Variants in NAV2 observed in about 807,000 individuals in gnomAD.
NAV2 encodes helicase, APC down-regulated 1.
Under a neutral mutation model 223.2 loss-of-function variants are expected in NAV2, and 54 were observed. The observed-to-expected ratio is 0.24, with a 90% CI of 0.19 to 0.30. The LOEUF (loss-of-function observed/expected upper bound fraction) is 0.30. Among genes scored for constraint, NAV2 ranks in the 10% least tolerant of loss-of-function variants. NAV2 has a pLI of 1.00. For synonymous variants in NAV2, 1,279 were observed against 1,239.3 expected (o/e 1.03, Z -0.67); for missense variants, 2,806 against 3,147.5 (o/e 0.89, Z 2.60).
At chr11:19,980,073 G>T (rs570040038) in intron 10 of NAV2, among the ~76,000 whole-genome samples, 5 of 152,216 alleles carry the variant, frequency 3.3e-5, no homozygotes, top group African/African-American at 1.2e-4. Flanking sequence ...GCAAGGGGCA[G>T]AGAAGGCATT....
At chr11:19,635,109 C>T (rs984491638) in intron 1 of NAV2, among the ~76,000 whole-genome samples, 3 of 152,118 alleles carry the variant, frequency 2.0e-5, no homozygotes, top group Non-Finnish European at 4.4e-5. Context: ...GAATCTATCA[C>T]TTCTAGCCAT....
At chr11:19,704,025 G>A (rs534568128) in intron 1 of NAV2, among the ~76,000 whole-genome samples, 2 of 151,928 alleles carry the variant, frequency 1.3e-5, no homozygotes, top group East Asian at 3.9e-4. Flanking sequence ...TTTTTTTGGG[G>A]GGGTGGAAGG....
intron 1 of NAV2, among the ~76,000 whole-genome samples, chr11:19,521,743 C>T (rs2043663438): frequency 6.6e-6 from 1 of 152,152 alleles, no homozygotes; most frequent in Non-Finnish European, 1.5e-5. Context: ...GATCCATTTT[C>T]CAGATGAGGA....
At chr11:19,672,771 GC>G (rs2048606701) in intron 1 of NAV2, among the ~76,000 whole-genome samples, 2 of 152,180 alleles carry the variant, frequency 1.3e-5, no homozygotes, top group Admixed American at 6.5e-5. Flanking sequence ...CAGGTTGAGT[GC>G]CCTCTGTGTC....
chr11:19,837,500 T>C (rs980066195), intron 2 of NAV2, among the ~76,000 whole-genome samples: 1 of 152,212 alleles, frequency 6.6e-6, no homozygotes, highest in Non-Finnish European at 1.5e-5. Flanking sequence ...GATCACATCA[T>C]GACTAGGTGA....
chr11:19,832,689 C>T (rs2060011237), intron 2 of NAV2, 88 bp downstream of exon 2: 1 of 1,013,052 alleles, frequency 9.9e-7, no homozygotes, highest in South Asian at 1.3e-5. Flanking sequence ...ACTGAAATCT[C>T]TCAGAAGGCA....
intron 1 of NAV2, among the ~76,000 whole-genome samples, chr11:19,618,413 G>A (rs1308474141): frequency 1.3e-4 from 18 of 135,050 alleles, no homozygotes; most frequent in East Asian, 6.7e-4. Context: ...TGGATGGATG[G>A]ATGGATGGAT....
intron 1 of NAV2, among the ~76,000 whole-genome samples, chr11:19,732,261 G>GAAAA (rs59674883): frequency 1.5e-5 from 2 of 135,548 alleles, no homozygotes; most frequent in African/African-American, 5.4e-5. Flanking sequence ...TCCGTCTCAA[G>GAAAA]AAAAAAAAAA....
intron 1 of NAV2, among the ~76,000 whole-genome samples, chr11:19,725,418 T>C (rs1415140540): frequency 6.6e-6 from 1 of 152,040 alleles, no homozygotes; most frequent in African/African-American, 2.4e-5. Context: ...TTGTTTAAGG[T>C]CCCCCAGCAA....
At chr11:19,480,886 C>T (rs937856329) in intron 1 of NAV2, among the ~76,000 whole-genome samples, 3 of 152,192 alleles carry the variant, frequency 2.0e-5, no homozygotes, top group Non-Finnish European at 1.5e-5. Flanking sequence ...TTCCCACTCA[C>T]GTGTTCCCTC....
chr11:19,911,422 G>A (rs1032097484), intron 6 of NAV2, among the ~76,000 whole-genome samples: 1 of 152,134 alleles, frequency 6.6e-6, no homozygotes, highest in Admixed American at 6.5e-5. Context: ...ATAGAGGGAA[G>A]TTGAGTGTGT....
At chr11:19,586,913 G>T (rs576596406) in intron 1 of NAV2, among the ~76,000 whole-genome samples, 1 of 152,186 alleles carries the variant, frequency 6.6e-6, no homozygotes, top group African/African-American at 2.4e-5. Context: ...GCTGTCAGTC[G>T]GGGACATTTA....
intron 1 of NAV2, among the ~76,000 whole-genome samples, chr11:19,547,121 C>T (rs2044526025): frequency 6.6e-6 from 1 of 152,216 alleles, no homozygotes; most frequent in Admixed American, 6.5e-5. Flanking sequence ...CCTCTCCTGC[C>T]CTGCACATGG....
At chr11:19,696,288 G>A (rs1664562742) in intron 1 of NAV2, among the ~76,000 whole-genome samples, 1 of 152,248 alleles carries the variant, frequency 6.6e-6, no homozygotes, top group Admixed American at 6.5e-5. Flanking sequence ...AATTAGGTGT[G>A]AGGATTCAGG....
chr11:19,354,782 G>A (rs1213415029), intron 1 of NAV2, among the ~76,000 whole-genome samples: 1 of 152,212 alleles, frequency 6.6e-6, no homozygotes, highest in Non-Finnish European at 1.5e-5. Context: ...CCCTGAGGAG[G>A]TGTCTTCTGA....
chr11:20,096,231 A>G (rs2061255436), intron 30 of NAV2, among the ~76,000 whole-genome samples: 1 of 152,162 alleles, frequency 6.6e-6, no homozygotes, highest in Admixed American at 6.5e-5. Context: ...TACGAGTGAC[A>G]TTAATGTCTG....
intron 10 of NAV2, among the ~76,000 whole-genome samples, chr11:19,971,303 TC>T (rs900478929): frequency 6.6e-6 from 1 of 152,100 alleles, no homozygotes; most frequent in African/African-American, 2.4e-5. Flanking sequence ...ATTGTTCTTT[TC>T]TTGTGGCCTG....
At position 20,087,415 on chromosome 11, in the gene NAV2, G is replaced by A. The variant is rs191818817; in HGVS notation, c.5499-3450G>A. On this transcript the variant is annotated intron_variant, in intron 26 of 37. Transcript: ENST00000349880. ...AGAGCAAATGCTTGTTTCCAACCTCGAAGGGTTTGTAAGAATGTGCAAATC... is the reference window on the plus strand; with the variant it reads ...AGAGCAAATGCTTGTTTCCAACCTCAAAGGGTTTGTAAGAATGTGCAAATC... Among the ~76,000 whole-genome samples, 380 of 152,238 alleles carry A rather than the reference G, an allele frequency of 2.5e-3. 1 individual carries two copies. The highest frequency in any genetic ancestry group is 3.1e-3 in the Non-Finnish European group (208 of 68,020).
chr11:19,738,542 G>A (rs1389153492), intron 1 of NAV2, among the ~76,000 whole-genome samples: 1 of 152,218 alleles, frequency 6.6e-6, no homozygotes, highest in Non-Finnish European at 1.5e-5. Context: ...GGGCGAAGCA[G>A]TATTTACAAC....
Sources: gnomAD v4.1 joint callset for allele counts (sites outside exome capture counted in the v4.1 genomes callset) on GRCh38, gnomAD v4.1.1 for gene constraint, MANE v1.5 for transcripts, NCBI Gene and HGNC (gene_info 2026-07-23, HGNC 2026-07-21) for gene names.